Variants in TP63 observed in about 807,000 individuals in gnomAD.
TP63 encodes tumor protein 63.
In TP63, 17 loss-of-function variants were observed where a neutral mutation model predicts 82.8. The ratio of observed to expected loss-of-function variants is 0.21; its 90% CI spans 0.14 to 0.31. The LOEUF (loss-of-function observed/expected upper bound fraction) is 0.31, where lower values mean the gene tolerates loss of function less well. TP63 is among the 10% of genes least tolerant of loss of function. TP63 has a pLI of 1.00. For synonymous variants in TP63, 330 were observed against 321.7 expected (o/e 1.03, Z -0.28); for missense variants, 648 against 895.3 (o/e 0.72, Z 3.52).
rs1265913428 is a variant in TP63, at chr3:189,894,556, G to A, written c.*54G>A. 1 of 1,599,626 alleles carries A rather than the reference G, an allele frequency of 6.3e-7. No homozygotes were observed. Among genetic ancestry groups the A allele is most frequent in the East Asian group, 2.2e-5 (1 of 44,684 alleles). On this transcript the variant is annotated 3_prime_UTR_variant, in exon 14 of 14. Coordinates refer to ENST00000264731, the MANE Select transcript of TP63 (RefSeq NM_003722.5). ...TCTCCTAACTGCCAGCCCCCTAAAA[G>A]CACTCCTGCTTAATCTTCAAAGCCT...
At chr3:189,682,369 T>C (rs571229787) in intron 1 of TP63, among the ~76,000 whole-genome samples, 1 of 150,274 alleles carries the variant, frequency 6.7e-6, no homozygotes, top group Admixed American at 6.6e-5. Context: ...TTTTTTTTAA[T>C]TACTACTTAG....
intron 3 of TP63, among the ~76,000 whole-genome samples, chr3:189,778,871 A>C (rs748313944): frequency 2.0e-5 from 3 of 152,262 alleles, no homozygotes; most frequent in Non-Finnish European, 4.4e-5. Context: ...AAGAGAATGT[A>C]AGTAAATGAT....
rs58784734 is a variant in TP63, at chr3:189,703,427, AATAGATAGATAG to A, written c.63-34285_63-34274del. 8.4e-5 allele frequency among the ~76,000 whole-genome samples: 12 copies of A among 143,142 alleles called. No homozygotes were observed. In the Admixed American group the frequency reaches 8.4e-4, roughly 10 times the overall value. The allele number at this position is 143,142 out of a possible 152,430, so 93.9% of individuals were successfully genotyped here. On this transcript the variant is annotated intron_variant, in intron 1 of 13. Coordinates refer to ENST00000264731, the MANE Select transcript of TP63 (RefSeq NM_003722.5). ...GGTGACAGAGTAAGACCCTGTCTAA[AATAGATAGATAG>A]ATAGATAGATAGATAGATAGATAGA...
At chr3:189,718,425 T>G (rs1014602911) in intron 1 of TP63, among the ~76,000 whole-genome samples, 1 of 150,170 alleles carries the variant, frequency 6.7e-6, no homozygotes, top group Non-Finnish European at 1.5e-5. Context: ...GAAGGCGTGT[T>G]TTGCAGGGTG....
chr3:189,704,173 A>G (rs1718029029), intron 1 of TP63, among the ~76,000 whole-genome samples: 1 of 152,244 alleles, frequency 6.6e-6, no homozygotes, highest in Non-Finnish European at 1.5e-5. Flanking sequence ...GGAGAAAAGT[A>G]TGATTGCCTG....
chr3:189,769,404 G>A (rs1278057774), intron 3 of TP63, among the ~76,000 whole-genome samples: 1 of 152,098 alleles, frequency 6.6e-6, no homozygotes, highest in African/African-American at 2.4e-5. Context: ...TATTACAGAT[G>A]TTCCTGTTTA....
intron 3 of TP63, among the ~76,000 whole-genome samples, chr3:189,741,850 C>T (rs184130641): frequency 6.6e-4 from 101 of 152,234 alleles, no homozygotes; most frequent in African/African-American, 2.2e-3. Context: ...AAATGAACTC[C>T]ATTGGGTTAG....
chr3:189,845,469 C>A (rs1197448762), intron 4 of TP63, among the ~76,000 whole-genome samples: 2 of 152,098 alleles, frequency 1.3e-5, no homozygotes, highest in African/African-American at 2.4e-5. Flanking sequence ...CTTAAAGTTA[C>A]AGTTCCCAAA....
chr3:189,738,327 C>T (rs1050260455), intron 2 of TP63, among the ~76,000 whole-genome samples: 2 of 152,194 alleles, frequency 1.3e-5, no homozygotes, highest in African/African-American at 4.8e-5. Context: ...TTTCAGCACA[C>T]TGGAGACCCT....
intron 1 of TP63, among the ~76,000 whole-genome samples, chr3:189,635,944 A>C (rs1212310940): frequency 6.6e-6 from 1 of 152,148 alleles, no homozygotes; most frequent in African/African-American, 2.4e-5. Flanking sequence ...CATTTCAATG[A>C]GCACACTGGC....
intron 1 of TP63, among the ~76,000 whole-genome samples, chr3:189,689,104 C>CTTTTTTTTTT (rs776704674): frequency 2.9e-5 from 2 of 68,326 alleles, no homozygotes; most frequent in African/African-American, 9.7e-5. Flanking sequence ...CTACCTTTTT[C>CTTTTTTTTTT]TTTTTTTTTT....
intron 3 of TP63, among the ~76,000 whole-genome samples, chr3:189,787,938 CAGGATCATCCAAGTTTTT>C (rs1724745747): frequency 6.6e-6 from 1 of 151,994 alleles, no homozygotes; most frequent in Admixed American, 6.6e-5. Context: ...GGATGATTTT[CAGGATCATCCAAGTTTTT>C]GGGCCACAGG....
At chr3:189,645,662 C>CA (rs2108627180) in intron 1 of TP63, among the ~76,000 whole-genome samples, 1 of 120,834 alleles carries the variant, frequency 8.3e-6, no homozygotes, top group South Asian at 2.9e-4. Flanking sequence ...CCCACTCCCC[C>CA]ACCCCACGAC....
intron 1 of TP63, among the ~76,000 whole-genome samples, chr3:189,660,424 G>A (rs1249168124): frequency 6.6e-6 from 1 of 151,980 alleles, no homozygotes; most frequent in Non-Finnish European, 1.5e-5. Flanking sequence ...TTTGGTACCA[G>A]TACCATGCTG....
the TP63 span, among the ~76,000 whole-genome samples, chr3:189,609,236 C>A: frequency 7.9e-5 from 12 of 152,096 alleles, no homozygotes; most frequent in Non-Finnish European, 1.6e-4. Context: ...GTAACATAGA[C>A]AAATTGTCAG....
At chr3:189,796,960 A>G (rs1473478129) in intron 3 of TP63, among the ~76,000 whole-genome samples, 1 of 152,106 alleles carries the variant, frequency 6.6e-6, no homozygotes, top group Non-Finnish European at 1.5e-5. Context: ...TGGCTTCACC[A>G]GATAATGTTC....
intron 3 of TP63, among the ~76,000 whole-genome samples, chr3:189,784,535 A>G (rs1576947754): frequency 6.6e-6 from 1 of 152,222 alleles, no homozygotes; most frequent in East Asian, 1.9e-4. Context: ...TGAGTATTAA[A>G]TGAGTTTGTT....
At chr3:189,677,110 A>G (rs1715471186) in intron 1 of TP63, among the ~76,000 whole-genome samples, 1 of 151,244 alleles carries the variant, frequency 6.6e-6, no homozygotes, top group Admixed American at 6.6e-5. Flanking sequence ...TATTTTACTT[A>G]AGATAATGGC....
chr3:189,800,399 T>G (rs1023267156), intron 3 of TP63, among the ~76,000 whole-genome samples: 1 of 151,146 alleles, frequency 6.6e-6, no homozygotes, highest in East Asian at 1.9e-4. Flanking sequence ...TTACAAGGAG[T>G]TGGGTCTCTG....
Sources: allele counts gnomAD v4.1 joint callset (sites outside exome capture counted in the v4.1 genomes callset), GRCh38; gene constraint gnomAD v4.1.1; transcripts MANE v1.5; gene names NCBI Gene and HGNC (gene_info 2026-07-23, HGNC 2026-07-21).